Variants in RCC2 observed in about 807,000 individuals in gnomAD.
RCC2 encodes the protein regulator of chromosome condensation 2.
In RCC2, 19 loss-of-function variants were observed where a neutral mutation model predicts 64.1. That is an observed-to-expected ratio of 0.30 (90% CI 0.21 to 0.44). RCC2 has a LOEUF of 0.44. Ranked by LOEUF, RCC2 falls within the 20% of genes least tolerant of loss-of-function variation. The pLI is 1.00. For synonymous variants in RCC2, 325 were observed against 279.6 expected (o/e 1.16, Z -1.62); for missense variants, 508 against 710.4 (o/e 0.72, Z 3.24).
chr1:17,420,572 G>A (rs554202342), intron 7 of RCC2, 142 bp downstream of exon 7: 22 of 497,474 alleles, frequency 4.4e-5, no homozygotes, highest in Non-Finnish European at 6.8e-5. Flanking sequence ...TCTGCTGAAC[G>A]TGAGATCCAC....
chr1:17,431,359 A>ATAAAAAATATATATATATATATAT (rs1265674393), intron 2 of RCC2, among the ~76,000 whole-genome samples: 1 of 44,938 alleles, frequency 2.2e-5, no homozygotes, highest in Non-Finnish European at 3.8e-5. Flanking sequence ...AAAAAAAAAA[A>ATAAAAAATATATATATATATATAT]ATATATATAT....
intron 1 of RCC2, among the ~76,000 whole-genome samples, chr1:17,438,736 CG>C (rs1338634021): frequency 6.6e-6 from 1 of 152,140 alleles, no homozygotes; most frequent in African/African-American, 2.4e-5. Flanking sequence ...GCAGGGCAGC[CG>C]GGAGCCCCAG....
chr1:17,412,512 G>C (rs958157581), intron 10 of RCC2, among the ~76,000 whole-genome samples: 4 of 152,228 alleles, frequency 2.6e-5, no homozygotes, highest in African/African-American at 9.6e-5. Context: ...AGGATAAAGT[G>C]AAAGCCTGTT....
rs550768937 is a variant in RCC2 at position 17,436,144 on chromosome 1, G to A, written c.285+2086C>T. Among the ~76,000 whole-genome samples, 120 of 152,234 alleles carry A rather than the reference G, an allele frequency of 7.9e-4. 1 individual carries two copies. Among genetic ancestry groups the A allele is most frequent in the African/African-American group, 2.7e-3 (114 of 41,540 alleles). ...TTATACACATATGTAAAATAATAACGTATTTATGTGTATAAACAGGAACTT... is the reference window on the plus strand; with the variant it reads ...TTATACACATATGTAAAATAATAACATATTTATGTGTATAAACAGGAACTT... On this transcript the variant is annotated intron_variant, in intron 2 of 12. Transcript: ENST00000375436.
In RCC2 at chr1:17,413,170, A is replaced by T; in HGVS notation, c.1216T>A (p.Phe406Ile). ...SFAVSEVGGL[F>I]FWGATNTSRE... is the part of the protein sequence containing the mutation. ...GAGGTGTTGGTGGCCCCCCAGAAAAACAGACCACCTAAGGGAAGACAAAAC... is the reference window on the plus strand; with the variant it reads ...GAGGTGTTGGTGGCCCCCCAGAAAATCAGACCACCTAAGGGAAGACAAAAC... The change falls in exon 10 of 13, where the codon TTT becomes ATT. Residue 406 changes from phenylalanine (F) to isoleucine (I), a missense_variant. Phe to Ile is a conservative substitution (Grantham distance 21, BLOSUM62 0). Around this residue, in one of 4 missense-constraint regions of RCC2, gnomAD observed 179 missense variants for 322.0 expected, o/e 0.56. Transcript: ENST00000375436. 1.2e-6 allele frequency: 2 copies of T among 1,612,552 alleles called. No homozygotes were observed. Among genetic ancestry groups the T allele is most frequent in the Non-Finnish European group, 1.7e-6 (2 of 1,178,680 alleles).
intron 5 of RCC2, 57 bp from the exon 6 acceptor site, chr1:17,422,348 G>C (rs1289718288): frequency 1.4e-6 from 2 of 1,456,240 alleles, no homozygotes; most frequent in East Asian, 2.3e-5. Context: ...TTTTGAACTA[G>C]ATTTAGAATC....
chr1:17,412,668 A>C (rs2075440119), intron 10 of RCC2, among the ~76,000 whole-genome samples: 1 of 152,226 alleles, frequency 6.6e-6, no homozygotes. Flanking sequence ...AGTGCTAGCT[A>C]ACTCAACAGG....
chr1:17,437,307 T>C (rs570036334), intron 2 of RCC2, among the ~76,000 whole-genome samples: 2 of 152,218 alleles, frequency 1.3e-5, no homozygotes, highest in Non-Finnish European at 2.9e-5. Context: ...GTGGAAGTTC[T>C]TGCTCTCTGG....
At position 17,406,955 on chromosome 1, in the gene RCC2, T is replaced by G. The variant is rs1376785434; in HGVS notation, c.*2135A>C. ...GAAGACCAGTCAGATGCCCGCAGGGTCAGCGCCAAGCACATTCCCAACCGG... is the reference window on the plus strand; with the variant it reads ...GAAGACCAGTCAGATGCCCGCAGGGGCAGCGCCAAGCACATTCCCAACCGG... On this transcript the variant is annotated 3_prime_UTR_variant, in exon 13 of 13. Coordinates refer to ENST00000375436, the MANE Select transcript of RCC2 (RefSeq NM_018715.4). 6.6e-6 allele frequency: 1 copy of G among 152,182 alleles called. No individual in the cohort carries two copies. Among genetic ancestry groups the G allele is most frequent in the African/African-American group, 2.4e-5 (1 of 41,430 alleles). The allele number at this position is 152,182 out of a possible 1,614,324, so 9.4% of individuals were successfully genotyped here. A position where few individuals can be genotyped will look rare whatever the true frequency, so the allele number is the denominator to read the frequency against.
chr1:17,416,471 G>A lies in RCC2; in HGVS notation c.1026+9C>T, dbSNP rs375738815. On this transcript the variant is annotated intron_variant, in intron 8 of 12. Transcript: ENST00000375436. Reference sequence around the variant, plus strand: ...CGACTCTCAGGAAGTGAGAAAAGCCGAGCCTCACCGTGTGGTTAGCGCCAC... The same window carrying A: ...CGACTCTCAGGAAGTGAGAAAAGCCAAGCCTCACCGTGTGGTTAGCGCCAC... The A allele has an allele frequency of 1.5e-5, 24 of 1,601,752 alleles. No homozygotes were observed. The highest frequency in any genetic ancestry group is 3.3e-5 in the South Asian group (3 of 90,272).
chr1:17,432,966 A>G (rs900070347), intron 2 of RCC2, among the ~76,000 whole-genome samples: 2 of 143,728 alleles, frequency 1.4e-5, no homozygotes, highest in Non-Finnish European at 3.0e-5. Flanking sequence ...TTAAAAAAAG[A>G]AAAAGAAAAA....
chr1:17,409,097 G>C lies in RCC2; in HGVS notation c.1562C>G (p.Thr521Ser), dbSNP rs775426603. Residue 521 changes from threonine to serine, a missense_variant, in exon 13 of 13, where the codon ACC becomes AGC. By Grantham distance (58) the Thr-to-Ser change is moderately conservative. Transcript: ENST00000375436. ...GAGGAGTCTCCGGGAGCATCAGAGG[G>C]TTCGGGGGTTGTATTCTGGCAGTTT... Reference protein sequence around the residue: ...IKKLPEYNPRTL With the variant: ...IKKLPEYNPRSL The C allele has an allele frequency of 6.2e-7, 1 of 1,611,158 alleles. No homozygotes were observed. Among genetic ancestry groups the C allele is most frequent in the Admixed American group, 1.7e-5 (1 of 60,020 alleles).
chr1:17,411,452 T>C (rs2100352108), intron 11 of RCC2, among the ~76,000 whole-genome samples: 1 of 152,176 alleles, frequency 6.6e-6, no homozygotes, highest in East Asian at 1.9e-4. Context: ...GGCAAACGCC[T>C]AGAGTCCCAG....
intron 6 of RCC2, among the ~76,000 whole-genome samples, chr1:17,421,419 C>T (rs2075554750): frequency 6.6e-6 from 1 of 151,606 alleles, no homozygotes; most frequent in Non-Finnish European, 1.5e-5. Flanking sequence ...CGCTTGAATC[C>T]GGGAGGCAGA....
At chr1:17,413,379 G>A (rs553083233) in intron 9 of RCC2, among the ~76,000 whole-genome samples, 158 bp downstream of exon 9, 4 of 152,172 alleles carry the variant, frequency 2.6e-5, no homozygotes, top group Admixed American at 2.0e-4. Context: ...GAGCCCAGGA[G>A]TTCGACACCG....
chr1:17,413,385 C>T (rs1331418730), intron 9 of RCC2, 152 bp downstream of exon 9: 2 of 949,704 alleles, frequency 2.1e-6, no homozygotes, highest in Non-Finnish European at 3.3e-6. Flanking sequence ...AGGAGTTCGA[C>T]ACCGGCCTGG....
chr1:17,417,571 A>T (rs2100363123), intron 7 of RCC2, among the ~76,000 whole-genome samples: 1 of 152,288 alleles, frequency 6.6e-6, no homozygotes, highest in African/African-American at 2.4e-5. Context: ...TAGTCCAGCT[A>T]CTTGGGAAGG....
intron 7 of RCC2, among the ~76,000 whole-genome samples, chr1:17,416,970 G>A (rs2075493875): frequency 6.6e-6 from 1 of 152,170 alleles, no homozygotes; most frequent in African/African-American, 2.4e-5. Context: ...AGATTGGGTT[G>A]CAAAAGAAAA....
chr1:17,432,591 A>G (rs1001619057), intron 2 of RCC2, among the ~76,000 whole-genome samples: 1 of 152,258 alleles, frequency 6.6e-6, no homozygotes, highest in Admixed American at 6.5e-5. Context: ...AAAACTTCAC[A>G]GTGCTGAGGC....
Sources: gnomAD v4.1 joint callset for allele counts (sites outside exome capture counted in the v4.1 genomes callset) on GRCh38, gnomAD v4.1.1 for gene constraint, gnomAD v4.1.1 regional missense constraint, MANE v1.5 for transcripts, NCBI Gene and HGNC (gene_info 2026-07-23, HGNC 2026-07-21) for gene names.